Variants in RBFOX1 observed in about 807,000 individuals in gnomAD.
RBFOX1 encodes RNA binding fox-1 homolog 1, also known as RNA binding protein fox-1 homolog 1.
A neutral mutation model predicts 57.7 loss-of-function variants in RBFOX1; 8 were observed. That is an observed-to-expected ratio of 0.14 (90% CI 0.08 to 0.25). The LOEUF is 0.25. RBFOX1 is among the 10% of genes least tolerant of loss of function. The pLI is 1.00. For missense variants in RBFOX1, 611 were observed against 548.5 expected, an observed-to-expected ratio of 1.11 and a Z score of -1.14; for synonymous variants, 326 against 222.4, an observed-to-expected ratio of 1.47 and a Z score of -4.15.
chr16:7,382,485 C>A (rs185813953), intron 4 of RBFOX1, among the ~76,000 whole-genome samples: 1 of 152,232 alleles, frequency 6.6e-6, no homozygotes, highest in East Asian at 1.9e-4. Flanking sequence ...TTCTTGTTAG[C>A]GCTTATTAAA....
At chr16:6,853,112 A>T (rs2094158304) in intron 3 of RBFOX1, among the ~76,000 whole-genome samples, 1 of 151,986 alleles carries the variant, frequency 6.6e-6, no homozygotes, top group Non-Finnish European at 1.5e-5. Context: ...CATATATACT[A>T]CCTAATGATT....
rs112958892 is a variant in RBFOX1, at chr16:7,181,917, C to T, written c.27+129819C>T. On this transcript the variant is annotated intron_variant, in intron 4 of 15. Coordinates refer to ENST00000550418, the MANE Select transcript of RBFOX1 (RefSeq NM_018723.4). Reference sequence around the variant, plus strand: ...TGAAGTGGTTCTTACGTAATTTCTACGGAAAAAAAACTCAGCCGTCGAAAT... The same window carrying T: ...TGAAGTGGTTCTTACGTAATTTCTATGGAAAAAAAACTCAGCCGTCGAAAT... 1.8e-3 allele frequency among the ~76,000 whole-genome samples: 278 copies of T among 151,850 alleles called. 1 individual carries two copies. Among genetic ancestry groups the T allele is most frequent in the African/African-American group, 6.1e-3 (254 of 41,402 alleles).
chr16:6,588,556 G>GCTGAGC (rs1175538396), intron 2 of RBFOX1, among the ~76,000 whole-genome samples: 1 of 152,094 alleles, frequency 6.6e-6, no homozygotes, highest in Non-Finnish European at 1.5e-5. Flanking sequence ...GGAGGCTGAG[G>GCTGAGC]CTGGAGAATC....
intron 1 of RBFOX1, among the ~76,000 whole-genome samples, chr16:6,209,596 A>G (rs920128764): frequency 6.6e-5 from 10 of 152,244 alleles, no homozygotes; most frequent in Admixed American, 1.3e-4. Flanking sequence ...GAATCCACCA[A>G]TTGTGATCCT....
intron 3 of RBFOX1, among the ~76,000 whole-genome samples, chr16:5,697,241 A>T (rs1214815441): frequency 6.6e-6 from 1 of 152,108 alleles, no homozygotes; most frequent in Non-Finnish European, 1.5e-5. Context: ...ATGTTCTATT[A>T]ATGGTGTTCA....
At chr16:6,906,322 C>G (rs1054032087) in intron 3 of RBFOX1, among the ~76,000 whole-genome samples, 10 of 151,616 alleles carry the variant, frequency 6.6e-5, no homozygotes, top group African/African-American at 2.2e-4. Context: ...AAATTGTATT[C>G]AATTGTGTCT....
chr16:5,374,348 C>T (rs1009726339), intron 1 of RBFOX1, among the ~76,000 whole-genome samples: 1 of 152,232 alleles, frequency 6.6e-6, no homozygotes, highest in African/African-American at 2.4e-5. Context: ...GATAGAGGCT[C>T]TCCCTGAGGA....
chr16:5,764,819 A>G (rs1476386955), intron 3 of RBFOX1, among the ~76,000 whole-genome samples: 2 of 152,112 alleles, frequency 1.3e-5, no homozygotes, highest in Admixed American at 6.6e-5. Context: ...ATTACAGCTT[A>G]TTAAACATTT....
At chr16:7,064,063 C>A (rs1356275809) in intron 4 of RBFOX1, among the ~76,000 whole-genome samples, 1 of 151,658 alleles carries the variant, frequency 6.6e-6, no homozygotes, top group African/African-American at 2.4e-5. Flanking sequence ...CCTCTAGTAA[C>A]TCAGAATGTG....
At chr16:5,810,334 A>T (rs2055376845) in intron 3 of RBFOX1, among the ~76,000 whole-genome samples, 2 of 152,172 alleles carry the variant, frequency 1.3e-5, no homozygotes, top group Non-Finnish European at 2.9e-5. Context: ...ATAATAATTA[A>T]AAAAAGATAT....
chr16:5,881,904 A>G (rs931755552), intron 4 of RBFOX1, among the ~76,000 whole-genome samples: 2 of 152,216 alleles, frequency 1.3e-5, no homozygotes, highest in African/African-American at 4.8e-5. Flanking sequence ...TAAAATAATA[A>G]TAATTACTTC....
At chr16:7,174,442 G>A (rs1020028680) in intron 4 of RBFOX1, among the ~76,000 whole-genome samples, 6 of 152,130 alleles carry the variant, frequency 3.9e-5, no homozygotes, top group Admixed American at 2.6e-4. Context: ...ATATTTAGGA[G>A]TGGAATTGCT....
chr16:6,910,844 A>C (rs1374306347), intron 3 of RBFOX1, among the ~76,000 whole-genome samples: 1 of 152,300 alleles, frequency 6.6e-6, no homozygotes, highest in East Asian at 1.9e-4. Context: ...TTATATCCAG[A>C]AGAATGCCTC....
intron 4 of RBFOX1, among the ~76,000 whole-genome samples, chr16:7,316,970 A>ACACACACG (rs2096454660): frequency 6.6e-6 from 1 of 151,006 alleles, no homozygotes; most frequent in Non-Finnish European, 1.5e-5. Context: ...CAGAACACAC[A>ACACACACG]CACACACACA....
At chr16:7,617,534 AG>A (rs2058651984) in intron 10 of RBFOX1, among the ~76,000 whole-genome samples, 1 of 152,142 alleles carries the variant, frequency 6.6e-6, no homozygotes, top group Non-Finnish European at 1.5e-5. Flanking sequence ...TAAATTGCAC[AG>A]CTTTAGCGGT....
intron 1 of RBFOX1, among the ~76,000 whole-genome samples, chr16:6,257,583 C>G (rs2097676139): frequency 6.6e-6 from 1 of 152,092 alleles, no homozygotes. Flanking sequence ...CCATCCTCCA[C>G]CCTGAAGTAG....
chr16:5,702,549 C>T (rs2051090984), intron 3 of RBFOX1, among the ~76,000 whole-genome samples: 1 of 152,192 alleles, frequency 6.6e-6, no homozygotes, highest in Admixed American at 6.5e-5. Flanking sequence ...ACAACTTTCC[C>T]CTAATAGCCC....
chr16:6,900,942 T>C (rs1027891722), intron 3 of RBFOX1, among the ~76,000 whole-genome samples: 3 of 152,196 alleles, frequency 2.0e-5, no homozygotes, highest in African/African-American at 7.2e-5. Context: ...TGAAAACATT[T>C]GTAGAAGGTG....
intron 10 of RBFOX1, among the ~76,000 whole-genome samples, chr16:7,620,569 C>T (rs553919941): frequency 6.6e-6 from 1 of 152,196 alleles, no homozygotes; most frequent in Non-Finnish European, 1.5e-5. Context: ...ATCACAGATT[C>T]TTAAACATGA....
Sources: gnomAD v4.1 joint callset for allele counts (sites outside exome capture counted in the v4.1 genomes callset) on GRCh38, gnomAD v4.1.1 for gene constraint, MANE v1.5 for transcripts, NCBI Gene and HGNC (gene_info 2026-07-23, HGNC 2026-07-21) for gene names.